Variants in ALKAL2 observed in about 807,000 individuals in gnomAD.
ALKAL2 encodes the protein ALK and LTK ligand 2.
In ALKAL2, 8 loss-of-function variants were observed where a neutral mutation model predicts 18.5. The ratio of observed to expected loss-of-function variants is 0.43; its 90% CI spans 0.25 to 0.78. The LOEUF (loss-of-function observed/expected upper bound fraction) is 0.78. Ranked by LOEUF, ALKAL2 falls within the 30% of genes least tolerant of loss-of-function variation. The pLI is 0.22. For synonymous variants in ALKAL2, 135 were observed against 95.8 expected (o/e 1.41, Z -2.39); for missense variants, 241 against 211.2 (o/e 1.14, Z -0.88).
intron 5 of ALKAL2, among the ~76,000 whole-genome samples, chr2:280,617 T>G (rs1670309476): frequency 6.6e-6 from 1 of 152,368 alleles, no homozygotes; most frequent in Non-Finnish European, 1.5e-5. Context: ...TCAAGGTTAC[T>G]AAGATTAGGC....
In ALKAL2 at chr2:286,436, A is replaced by AT; in HGVS notation, c.254-94dup. On this transcript the variant is annotated intron_variant, in intron 2 of 5. Coordinates refer to ENST00000403610, the MANE Select transcript of ALKAL2 (RefSeq NM_001002919.3). ...GAATGTTGAAGAAAATTGGAGCTCC[A>AT]TATTAGCCAAGTTGCTTTGCACAAA... The AT allele has an allele frequency of 4.2e-6, 4 of 948,896 alleles. No individual in the cohort carries two copies. In the South Asian group the frequency reaches 6.3e-5, roughly 15 times the overall value. The allele number at this position is 948,896 out of a possible 1,614,324, so 58.8% of individuals were successfully genotyped here. A position where few individuals can be genotyped will look rare whatever the true frequency, so the allele number is the denominator to read the frequency against.
intron 5 of ALKAL2, 142 bp downstream of exon 5, chr2:282,969 G>T: frequency 1.1e-6 from 1 of 891,970 alleles, no homozygotes; most frequent in Non-Finnish European, 1.7e-6. Context: ...AGCACTGTGA[G>T]ATGAGTGTTG....
chr2:285,454 T>TA (rs569623275), intron 4 of ALKAL2, among the ~76,000 whole-genome samples: 146 of 151,796 alleles, frequency 9.6e-4, no homozygotes, highest in Non-Finnish European at 1.5e-3. Flanking sequence ...GAGTCCGAAT[T>TA]AAAAAAAATG....
At chr2:281,456 G>A (rs1390433433) in intron 5 of ALKAL2, among the ~76,000 whole-genome samples, 1 of 152,164 alleles carries the variant, frequency 6.6e-6, no homozygotes, top group Non-Finnish European at 1.5e-5. Flanking sequence ...AGAGTGATGT[G>A]AAGAGTGCTG....
chr2:285,329 G>T (rs1670474807), intron 4 of ALKAL2, among the ~76,000 whole-genome samples: 1 of 152,238 alleles, frequency 6.6e-6, no homozygotes, highest in Admixed American at 6.5e-5. Flanking sequence ...AGGCAGGACA[G>T]CAAGTCCGGA....
At position 287,988 on chromosome 2, in the gene ALKAL2, G is replaced by T. The variant is rs936614420; in HGVS notation, c.-58+25C>A. 1.2e-4 allele frequency: 145 copies of T among 1,234,112 alleles called. 1 individual carries two copies. The highest frequency in any genetic ancestry group is 1.4e-4 in the Non-Finnish European group (140 of 990,864). The allele number at this position is 1,234,112 out of a possible 1,614,324, so 76.4% of individuals were successfully genotyped here. ...GAGGGGAGGGGAGGCGGGAGGAGCC[G>T]CTGGCGCTGGACCCGGCCCCTCACC... On this transcript the variant is annotated intron_variant, in intron 1 of 5. Transcript: ENST00000403610.
chr2:287,330 T>A, intron 2 of ALKAL2: 1 of 371,084 alleles, frequency 2.7e-6, no homozygotes, highest in Non-Finnish European at 4.8e-6. Flanking sequence ...AAAGTGACGG[T>A]TGACAGTTTA....
intron 5 of ALKAL2, among the ~76,000 whole-genome samples, chr2:282,600 A>G (rs965595658): frequency 6.6e-6 from 1 of 152,188 alleles, no homozygotes; most frequent in African/African-American, 2.4e-5. Context: ...TAAACGTGGT[A>G]TGCATTTACA....
intron 4 of ALKAL2, 66 bp downstream of exon 4, chr2:286,057 T>C (rs1031659708): frequency 2.8e-6 from 4 of 1,409,478 alleles, no homozygotes; most frequent in Non-Finnish European, 4.0e-6. Flanking sequence ...TATGAGGAAA[T>C]GGAAAGAGGG....
intron 5 of ALKAL2, 102 bp from the exon 6 acceptor site, chr2:280,254 C>G: frequency 7.7e-7 from 1 of 1,302,606 alleles, no homozygotes; most frequent in Non-Finnish European, 1.1e-6. Flanking sequence ...TGTTTATAAA[C>G]ATAGGCAGTC....
chr2:280,163 A>G lies in ALKAL2; in HGVS notation c.454-11T>C. The G allele has an allele frequency of 1.2e-6, 2 of 1,614,014 alleles. No individual in the cohort carries two copies. The highest frequency in any genetic ancestry group is 1.7e-6 in the Non-Finnish European group (2 of 1,179,896). ...ACGGTCTGCTCACTGCTGAAAACAA[A>G]TACATTGCGTGTGATATGACTATCC... On this transcript the variant is annotated splice_polypyrimidine_tract_variant and intron_variant, in intron 5 of 5. Coordinates refer to ENST00000403610, the MANE Select transcript of ALKAL2 (RefSeq NM_001002919.3).
At chr2:280,924 C>G (rs1338672941) in intron 5 of ALKAL2, among the ~76,000 whole-genome samples, 2 of 152,228 alleles carry the variant, frequency 1.3e-5, no homozygotes, top group Non-Finnish European at 2.9e-5. Flanking sequence ...TCATGGTTTA[C>G]GGTCTTGCCC....
At position 286,138 on chromosome 2, in the gene ALKAL2, A is replaced by C; in HGVS notation, c.373T>G (p.Cys125Gly). 1 of 1,613,772 alleles carries C rather than the reference A, an allele frequency of 6.2e-7. No individual in the cohort carries two copies. Among genetic ancestry groups the C allele is most frequent in the Non-Finnish European group, 8.5e-7 (1 of 1,179,680 alleles). Residue 125 changes from cysteine to glycine, a missense_variant, in exon 4 of 6, where the codon TGC becomes GGC. Transcript: ENST00000403610. ...FHRLYHNTRD[C>G]TIPAYYKRCA... ...TGTTACTTACATGCAGGAATGGTGC[A>C]GTCTCTGGTGTTGTGATAAAGTCTA...
At position 287,897 on chromosome 2, in the gene ALKAL2, G is replaced by C. The variant is rs1389044783; in HGVS notation, c.-57-5C>G. ...ACGCGCCGAGAGCTGGGCTCGCTGC[G>C]AGAGAAGGGGCGCGGGGGGCCGGAG... On this transcript the variant is annotated splice_polypyrimidine_tract_variant and splice_region_variant and intron_variant, in intron 1 of 5. Transcript: ENST00000403610. 4 of 1,246,300 alleles carry C rather than the reference G, an allele frequency of 3.2e-6. No homozygotes were observed. Among genetic ancestry groups the C allele is most frequent in the Non-Finnish European group, 4.0e-6 (4 of 998,058 alleles). The allele number at this position is 1,246,300 out of a possible 1,614,324, so 77.2% of individuals were successfully genotyped here.
At chr2:284,164 C>T (rs1670434546) in intron 4 of ALKAL2, among the ~76,000 whole-genome samples, 1 of 152,202 alleles carries the variant, frequency 6.6e-6, no homozygotes, top group Non-Finnish European at 1.5e-5. Context: ...TGTGTGATTT[C>T]AATGGCTGAT....
rs571635831 is a variant in ALKAL2, at chr2:287,556, C to T, written c.253+27G>A. 72 of 1,358,706 alleles carry T rather than the reference C, an allele frequency of 5.3e-5. 1 individual carries two copies. The African/African-American group carries it at 8.3e-4, about 16-fold the overall frequency. 84.2% of individuals were successfully genotyped at this position (1,358,706 alleles called of 1,614,324 possible). On this transcript the variant is annotated intron_variant, in intron 2 of 5. Coordinates refer to ENST00000403610, the MANE Select transcript of ALKAL2 (RefSeq NM_001002919.3). ...CAATTCTATTTCCCAGCAGCCCCGG[C>T]CCTCGGGCGCGCTCGGCCCCACTCA...
At chr2:283,202 G>C (rs769875369) in intron 4 of ALKAL2, 27 bp from the exon 5 acceptor site, 77 of 1,592,960 alleles carry the variant, frequency 4.8e-5, no homozygotes, top group Non-Finnish European at 6.3e-5. Context: ...TCAGACTCTT[G>C]TCAGTTACTT....
intron 5 of ALKAL2, 50 bp downstream of exon 5, chr2:283,061 G>A (rs374824439): frequency 2.5e-5 from 39 of 1,546,026 alleles, no homozygotes; most frequent in East Asian, 2.3e-4. Context: ...TGTCCCAAGC[G>A]GGATTCCCAT....
chr2:284,868 C>A (rs1330381638), intron 4 of ALKAL2, among the ~76,000 whole-genome samples: 1 of 152,062 alleles, frequency 6.6e-6, no homozygotes, highest in East Asian at 1.9e-4. Flanking sequence ...ATACAAACGA[C>A]AAGATTTTCT....
Sources: gnomAD v4.1 joint callset for allele counts (sites outside exome capture counted in the v4.1 genomes callset) on GRCh38, gnomAD v4.1.1 for gene constraint, MANE v1.5 for transcripts, NCBI Gene and HGNC (gene_info 2026-07-23, HGNC 2026-07-21) for gene names.